The following SYT9 variants were observed in gnomAD, a reference collection of about 807,000 sequenced individuals.
SYT9 encodes the protein synaptotagmin-9.
SYT9 carries 22 observed loss-of-function variants against 48.4 expected under a neutral mutation model. The ratio of observed to expected loss-of-function variants is 0.45; its 90% confidence interval spans 0.32 to 0.65. The LOEUF (loss-of-function observed/expected upper bound fraction) is 0.65. SYT9 is among the 30% of genes least tolerant of loss of function. The pLI is 0.03. For synonymous variants in SYT9, 265 were observed against 245.0 expected (o/e 1.08, Z -0.76); for missense variants, 577 against 622.0 (o/e 0.93, Z 0.77).
chr11:7,337,435 C>T (rs1009047468), intron 3 of SYT9, among the ~76,000 whole-genome samples: 8 of 152,054 alleles, frequency 5.3e-5, no homozygotes, highest in Non-Finnish European at 1.2e-4. Flanking sequence ...GTATTCATGT[C>T]TTGTGCCAGT....
chr11:7,454,250 C>G lies in SYT9; in HGVS notation c.1468-12542C>G. On this transcript the variant is annotated intron_variant, in intron 6 of 6. Coordinates refer to ENST00000318881, the MANE Select transcript of SYT9 (RefSeq NM_175733.4). ...TTTCTCTCTAGCCCTTAGTTGATGT[C>G]TTCCTCCCATTTGTCTCTGCAGTGG... The G allele has an allele frequency of 5.1e-6, 5 of 985,384 alleles. No homozygotes were observed. In the South Asian group the frequency reaches 2.3e-4, roughly 46 times the overall value. 61.0% of individuals were successfully genotyped at this position (985,384 alleles called of 1,614,324 possible).
At chr11:7,335,364 T>C (rs1360134940) in intron 3 of SYT9, among the ~76,000 whole-genome samples, 2 of 152,186 alleles carry the variant, frequency 1.3e-5, no homozygotes, top group South Asian at 2.1e-4. Context: ...GTTTGCTATA[T>C]AGGTAAACAC....
intron 1 of SYT9, among the ~76,000 whole-genome samples, chr11:7,239,209 A>G (rs998114385): frequency 2.5e-4 from 38 of 152,298 alleles, no homozygotes; most frequent in African/African-American, 9.1e-4. Context: ...CTTAAATAAT[A>G]TGGAATGAAG....
In SYT9 at chr11:7,360,425, G is replaced by C. The variant is rs569618452; in HGVS notation, c.1044+46484G>C. On this transcript the variant is annotated intron_variant, in intron 3 of 6. Transcript: ENST00000318881. ...TAGCTTGATGGGGATGGCATTGAAT[G>C]TATAAATTACCTTGGGCAGTATGGC... Among the ~76,000 whole-genome samples the C allele has an allele frequency of 1.6e-4, 24 of 152,194 alleles. No individual in the cohort carries two copies. In the South Asian group the frequency reaches 3.5e-3, roughly 22 times the overall value.
At chr11:7,458,346 T>A (rs1239403866) in intron 6 of SYT9, among the ~76,000 whole-genome samples, 1 of 152,142 alleles carries the variant, frequency 6.6e-6, no homozygotes, top group Non-Finnish European at 1.5e-5. Flanking sequence ...CCGGGCATGG[T>A]GGCGGTCGCC....
At chr11:7,384,098 A>T (rs900365777) in intron 3 of SYT9, among the ~76,000 whole-genome samples, 3 of 150,944 alleles carry the variant, frequency 2.0e-5, no homozygotes, top group Admixed American at 6.6e-5. Flanking sequence ...ACACACCCTC[A>T]CACCTTACTT....
intron 1 of SYT9, among the ~76,000 whole-genome samples, chr11:7,256,896 A>G (rs1847981996): frequency 6.6e-6 from 1 of 152,132 alleles, no homozygotes; most frequent in African/African-American, 2.4e-5. Context: ...CCATGTAAAT[A>G]TTACTCTATT....
intron 2 of SYT9, among the ~76,000 whole-genome samples, chr11:7,307,926 T>C (rs1849061585): frequency 6.6e-6 from 1 of 152,234 alleles, no homozygotes; most frequent in African/African-American, 2.4e-5. Context: ...CACCTACCCT[T>C]GACAACACAC....
At chr11:7,258,925 G>C (rs182441008) in intron 1 of SYT9, among the ~76,000 whole-genome samples, 18 of 152,132 alleles carry the variant, frequency 1.2e-4, no homozygotes, top group Non-Finnish European at 2.5e-4. Flanking sequence ...TCCTGGACAA[G>C]TTATTTAACC....
intron 1 of SYT9, among the ~76,000 whole-genome samples, chr11:7,301,507 T>C (rs1848919511): frequency 6.6e-6 from 1 of 152,216 alleles, no homozygotes; most frequent in Non-Finnish European, 1.5e-5. Flanking sequence ...GATCATAGTA[T>C]GTTGGCAGTG....
intron 3 of SYT9, among the ~76,000 whole-genome samples, chr11:7,402,760 A>ATGC (rs1377412507): frequency 6.6e-6 from 1 of 152,152 alleles, no homozygotes; most frequent in African/African-American, 2.4e-5. Flanking sequence ...TAGTTGAGTC[A>ATGC]TGCTTTGTTA....
At chr11:7,402,145 C>T (rs1590000243) in intron 3 of SYT9, among the ~76,000 whole-genome samples, 2 of 151,760 alleles carry the variant, frequency 1.3e-5, no homozygotes, top group Admixed American at 6.6e-5. Flanking sequence ...TGGAGATTTT[C>T]CAGATGTCTA....
intron 6 of SYT9, among the ~76,000 whole-genome samples, chr11:7,430,504 TTAATAG>T (rs1351421591): frequency 6.6e-6 from 1 of 152,222 alleles, no homozygotes; most frequent in East Asian, 1.9e-4. Context: ...GCTTTACATA[TTAATAG>T]TAAGTGTTCA....
intron 3 of SYT9, among the ~76,000 whole-genome samples, chr11:7,389,958 C>G (rs1182906234): frequency 6.6e-6 from 1 of 152,146 alleles, no homozygotes; most frequent in Non-Finnish European, 1.5e-5. Flanking sequence ...GCCCAGCCAA[C>G]TTTCTGTTAA....
chr11:7,313,650 CT>C lies in SYT9; in HGVS notation c.757del (p.Ser253LeufsTer29). On this transcript the variant is annotated frameshift_variant, in exon 3 of 7. Transcript: ENST00000318881. LOFTEE classifies it high-confidence loss of function. ...AAGCTGTCAATTTGCCCGCCAAGGA[CT>C]TTTCTGGGACTTCAGATCCTTATGT... ...HKAVNLPAKD[F>X]SGTSDPYVKI... 1 of 1,614,174 alleles carries C rather than the reference CT, an allele frequency of 6.2e-7. No homozygotes were observed. The highest frequency in any genetic ancestry group is 8.5e-7 in the Non-Finnish European group (1 of 1,180,006).
chr11:7,441,984 C>A (rs1426468837), intron 6 of SYT9, among the ~76,000 whole-genome samples: 2 of 152,118 alleles, frequency 1.3e-5, no homozygotes, highest in Non-Finnish European at 2.9e-5. Context: ...GACAACTCTG[C>A]ACTCCATTAT....
intron 1 of SYT9, among the ~76,000 whole-genome samples, chr11:7,282,179 A>G (rs1292476935): frequency 1.3e-5 from 2 of 152,356 alleles, no homozygotes; most frequent in East Asian, 3.9e-4. Flanking sequence ...AGGTTAGGGT[A>G]AGAAAACTTT....
intron 3 of SYT9, among the ~76,000 whole-genome samples, chr11:7,404,269 A>G (rs1846959710): frequency 6.6e-6 from 1 of 152,166 alleles, no homozygotes; most frequent in Non-Finnish European, 1.5e-5. Context: ...CTTTATTTAG[A>G]GGTTCAGACC....
At chr11:7,255,385 T>G (rs1409409528) in intron 1 of SYT9, among the ~76,000 whole-genome samples, 1 of 34,586 alleles carries the variant, frequency 2.9e-5, no homozygotes, top group Non-Finnish European at 7.5e-5. Flanking sequence ...TAAACCATTA[T>G]AAAGACTTTG....
Sources: allele counts gnomAD v4.1 joint callset (sites outside exome capture counted in the v4.1 genomes callset), GRCh38; gene constraint gnomAD v4.1.1; transcripts MANE v1.5; gene names NCBI Gene and HGNC (gene_info 2026-07-23, HGNC 2026-07-21).